The following IGSF10 variants were observed in gnomAD, a reference collection of about 807,000 sequenced individuals.
IGSF10 encodes the protein immunoglobulin superfamily member 10.
IGSF10 carries 126 observed loss-of-function variants against 128.2 expected under a neutral mutation model. The observed-to-expected ratio is 0.98, with a 90% CI of 0.85 to 1.14. The LOEUF (loss-of-function observed/expected upper bound fraction) is 1.14, where lower values mean the gene tolerates loss of function less well. Ranked by LOEUF, IGSF10 falls within the 50% of genes most tolerant of loss-of-function variation. IGSF10 has a pLI of 0.00. For missense variants in IGSF10, 3,295 were observed against 3,149.8 expected (o/e 1.05, Z -1.10); for synonymous variants, 1,185 against 1,146.2 (o/e 1.03, Z -0.68).
At chr3:151,487,369 C>T in the IGSF10 span, among the ~76,000 whole-genome samples, 3 of 152,078 alleles carry the variant, frequency 2.0e-5, no homozygotes, top group African/African-American at 7.2e-5. Context: ...AGTCCAAGAC[C>T]AGACAGACTC....
chr3:151,463,533 T>TTG (rs1560185484), upstream of IGSF10, among the ~76,000 whole-genome samples: 13 of 63,678 alleles, frequency 2.0e-4, no homozygotes, highest in African/African-American at 6.8e-4. Context: ...GTTTTTTTTT[T>TTG]TTTTTTTTTT....
At position 151,443,450 on chromosome 3, in the gene IGSF10, C is replaced by T. The variant is rs1560174395; in HGVS notation, c.5497G>A (p.Val1833Ile). 3 of 1,614,192 alleles carry T rather than the reference C, an allele frequency of 1.9e-6. No homozygotes were observed. The highest frequency in any genetic ancestry group is 2.5e-6 in the Non-Finnish European group (3 of 1,180,040). ...GGTGCTGCAATGACTTGTATTTTAA[C>T]CAGCAGTGAATCCTGGCCACCTGGG... Reference protein sequence around the residue: ...SNPGGQDSLLVKIQVIAAPPV... With the variant: ...SNPGGQDSLLIKIQVIAAPPV... The change falls in exon 7 of 8, where the codon GTT becomes ATT. Residue 1833 changes from valine (V) to isoleucine (I), a missense_variant. Transcript: ENST00000282466.
In IGSF10 at chr3:151,446,287, C is replaced by T. The variant is rs2108550617; in HGVS notation, c.3694G>A (p.Ala1232Thr). The T allele has an allele frequency of 1.2e-6, 2 of 1,614,042 alleles. No individual in the cohort carries two copies. Among genetic ancestry groups the T allele is most frequent in the Middle Eastern group, 3.3e-4 (2 of 6,062 alleles). ...GGAGATGTTTTAGGAAGCATCACAG[C>T]TGTGCTTTTTTGTAAACTAACTTTA... is the stretch of plus-strand genomic sequence containing the variant. ...QHKVSLQKST[A>T]VMLPKTSPAL... is the part of the protein sequence containing the mutation. Residue 1232 changes from alanine to threonine, a missense_variant, in exon 6 of 8, where the codon GCT becomes ACT. Coordinates refer to ENST00000282466, the MANE Select transcript of IGSF10 (RefSeq NM_178822.5).
chr3:151,439,913 T>G (rs1720740501), intron 7 of IGSF10, among the ~76,000 whole-genome samples: 1 of 152,236 alleles, frequency 6.6e-6, no homozygotes, highest in African/African-American at 2.4e-5. Context: ...TTTCTTATTT[T>G]TGGGCAACAT....
the IGSF10 span, among the ~76,000 whole-genome samples, chr3:151,554,502 C>T: frequency 6.8e-6 from 1 of 147,820 alleles, no homozygotes; most frequent in Admixed American, 6.6e-5. Flanking sequence ...GTGATTTTGC[C>T]TAACTCTCAT....
chr3:151,596,560 G>C, the IGSF10 span, among the ~76,000 whole-genome samples: 1 of 152,130 alleles, frequency 6.6e-6, no homozygotes, highest in Admixed American at 6.5e-5. Context: ...TTGCCTATGT[G>C]TATCTTGTGT....
chr3:151,479,132 AG>A, the IGSF10 span, among the ~76,000 whole-genome samples: 1 of 152,190 alleles, frequency 6.6e-6, no homozygotes, highest in African/African-American at 2.4e-5. Context: ...TCCCAGTTGT[AG>A]GAGTTGAAAG....
the IGSF10 span, among the ~76,000 whole-genome samples, chr3:151,613,565 G>A: frequency 6.6e-6 from 1 of 152,112 alleles, no homozygotes; most frequent in East Asian, 1.9e-4. Context: ...ACAAAAACAA[G>A]CAATGGGGAA....
chr3:151,599,337 C>A, the IGSF10 span, among the ~76,000 whole-genome samples: 2 of 152,006 alleles, frequency 1.3e-5, no homozygotes, highest in Non-Finnish European at 1.5e-5. Flanking sequence ...AACTGGCCTG[C>A]GGGTTAAGGA....
intron 7 of IGSF10, among the ~76,000 whole-genome samples, chr3:151,442,378 C>CTTT (rs1167067290): frequency 8.2e-5 from 5 of 61,228 alleles, no homozygotes; most frequent in African/African-American, 1.6e-4. Context: ...TATACAATTA[C>CTTT]TATTTTTTTT....
chr3:151,603,486 C>T, the IGSF10 span, among the ~76,000 whole-genome samples: 1,562 of 152,266 alleles, frequency 0.01, 23 homozygotes, highest in African/African-American at 0.036. Context: ...GTCTTTCTAC[C>T]AGCTCTTCTT....
At position 151,449,211 on chromosome 3, in the gene IGSF10, A is replaced by G; in HGVS notation, c.770T>C (p.Leu257Pro). 1 of 1,614,000 alleles carries G rather than the reference A, an allele frequency of 6.2e-7. No homozygotes were observed. Among genetic ancestry groups the G allele is most frequent in the South Asian group, 1.1e-5 (1 of 91,062 alleles). ...TTTAGAAGTCCTAGGGTTCATGCAA[A>G]GTGGACACTGCTGAGCACTAGAGGG... ...RSPSSAQQCP[L>P]CMNPRTSKGK... is the part of the protein sequence containing the mutation. The change falls in exon 6 of 8, where the codon CTT (leucine) becomes CCT (proline). Residue 257 changes from leucine (L) to proline (P), a missense_variant. Coordinates refer to ENST00000282466, the MANE Select transcript of IGSF10 (RefSeq NM_178822.5).
chr3:151,571,436 A>G, the IGSF10 span, among the ~76,000 whole-genome samples: 1 of 152,152 alleles, frequency 6.6e-6, no homozygotes, highest in Admixed American at 6.5e-5. Flanking sequence ...GGTCCTTCAC[A>G]TCCCTTGTAA....
the IGSF10 span, among the ~76,000 whole-genome samples, chr3:151,616,861 A>C: frequency 6.6e-6 from 1 of 152,196 alleles, no homozygotes; most frequent in Non-Finnish European, 1.5e-5. Flanking sequence ...ATTTTTTACA[A>C]TTCTGGAGAC....
chr3:151,569,667 A>T, the IGSF10 span, among the ~76,000 whole-genome samples: 1 of 152,206 alleles, frequency 6.6e-6, no homozygotes, highest in African/African-American at 2.4e-5. Context: ...CCATCTCTAG[A>T]TAATAGAAAT....
the IGSF10 span, among the ~76,000 whole-genome samples, chr3:151,575,829 C>T: frequency 6.6e-6 from 1 of 152,128 alleles, no homozygotes; most frequent in African/African-American, 2.4e-5. Context: ...AGCTGCAGAC[C>T]AGAGCTGTTC....
chr3:151,523,853 C>G, the IGSF10 span, among the ~76,000 whole-genome samples: 1 of 152,128 alleles, frequency 6.6e-6, no homozygotes, highest in African/African-American at 2.4e-5. Context: ...TGGAAACTAT[C>G]AGCAGATTAA....
At chr3:151,441,565 T>C (rs964913707) in intron 7 of IGSF10, among the ~76,000 whole-genome samples, 1 of 152,216 alleles carries the variant, frequency 6.6e-6, no homozygotes, top group African/African-American at 2.4e-5. Context: ...TGAGTACAAA[T>C]TCACATTTAC....
At chr3:151,560,951 T>G in the IGSF10 span, among the ~76,000 whole-genome samples, 1 of 152,144 alleles carries the variant, frequency 6.6e-6, no homozygotes, top group African/African-American at 2.4e-5. Context: ...TGTTGGAAAG[T>G]TAAGAGTAAC....
Sources: allele counts gnomAD v4.1 joint callset (sites outside exome capture counted in the v4.1 genomes callset), GRCh38; gene constraint gnomAD v4.1.1; transcripts MANE v1.5; gene names NCBI Gene and HGNC (gene_info 2026-07-23, HGNC 2026-07-21).